FMN1: variants seen among roughly 807,000 people sequenced by gnomAD.
FMN1 encodes formin-1.
FMN1 carries 110 observed loss-of-function variants against 132.4 expected under a neutral mutation model. The ratio of observed to expected loss-of-function variants is 0.83; its 90% CI spans 0.71 to 0.97. FMN1 has a LOEUF of 0.97. Among genes scored for constraint, FMN1 ranks in the 50% least tolerant of loss-of-function variants. FMN1 has a pLI of 0.00. For synonymous variants in FMN1, 722 were observed against 651.7 expected (o/e 1.11, Z -1.64); for missense variants, 1,792 against 1,705.3 (o/e 1.05, Z -0.90).
At chr15:33,051,376 T>G (rs986905554) in intron 6 of FMN1, among the ~76,000 whole-genome samples, 3 of 152,134 alleles carry the variant, frequency 2.0e-5, no homozygotes, top group African/African-American at 7.2e-5. Flanking sequence ...AGACCAACTT[T>G]CTAGTCCTGG....
chr15:32,998,292 G>C (rs2033897622), intron 7 of FMN1, among the ~76,000 whole-genome samples: 1 of 152,172 alleles, frequency 6.6e-6, no homozygotes, highest in Non-Finnish European at 1.5e-5. Context: ...GCAATGTCCA[G>C]TCAGATCAAT....
intron 9 of FMN1, among the ~76,000 whole-genome samples, chr15:32,957,479 A>G (rs1251015266): frequency 6.6e-6 from 1 of 151,898 alleles, no homozygotes; most frequent in Non-Finnish European, 1.5e-5. Context: ...CAGTGAAAAG[A>G]GACTATACAA....
At position 33,018,188 on chromosome 15, in the gene FMN1, T is replaced by C. The variant is rs141247709; in HGVS notation, c.2162-10113A>G. Among the ~76,000 whole-genome samples the C allele has an allele frequency of 1.3e-3, 195 of 152,194 alleles. 1 individual carries two copies. Among genetic ancestry groups the C allele is most frequent in the African/African-American group, 4.6e-3 (189 of 41,518 alleles). ...GCAGAGCCCTTGTGCATGAGATTAG[T>C]GTGTGTGATACTGCAAAATATGTAT... is the stretch of plus-strand genomic sequence containing the variant. On this transcript the variant is annotated intron_variant, in intron 6 of 20. Coordinates refer to ENST00000616417, the MANE Select transcript of FMN1 (RefSeq NM_001277313.2).
At chr15:33,018,843 T>C (rs536652383) in intron 6 of FMN1, among the ~76,000 whole-genome samples, 105 of 152,310 alleles carry the variant, frequency 6.9e-4, no homozygotes, top group African/African-American at 2.4e-3. Flanking sequence ...GGTTGAGTGT[T>C]ACAGCTCTTA....
intron 16 of FMN1, among the ~76,000 whole-genome samples, chr15:32,887,355 C>T (rs1463856761): frequency 2.6e-5 from 4 of 152,128 alleles, no homozygotes; most frequent in African/African-American, 9.7e-5. Flanking sequence ...TGGAGTTATA[C>T]AAGCTCCAAG....
intron 7 of FMN1, among the ~76,000 whole-genome samples, chr15:32,987,576 CTT>C (rs2033150038): frequency 3.3e-5 from 5 of 152,110 alleles, no homozygotes; most frequent in Admixed American, 2.0e-4. Flanking sequence ...AAGAAAAAAA[CTT>C]TGATTTTTAT....
chr15:32,888,152 A>T lies in FMN1; in HGVS notation c.3835+20T>A. On this transcript the variant is annotated intron_variant, in intron 16 of 20. Coordinates refer to ENST00000616417, the MANE Select transcript of FMN1 (RefSeq NM_001277313.2). ...AAGTAATCTTAGCTATTATCATAAT[A>T]GCAGAACAGTTCCTATTACCTTCTA... 6.3e-7 allele frequency: 1 copy of T among 1,589,788 alleles called. No individual in the cohort carries two copies. Among genetic ancestry groups the T allele is most frequent in the Non-Finnish European group, 8.5e-7 (1 of 1,169,874 alleles).
At chr15:33,091,032 T>TA (rs1183094574) in intron 4 of FMN1, among the ~76,000 whole-genome samples, 1 of 152,232 alleles carries the variant, frequency 6.6e-6, no homozygotes, top group Non-Finnish European at 1.5e-5. Flanking sequence ...TCCCTCATTT[T>TA]AAATCCCTCC....
chr15:33,010,607 G>T (rs552142035), intron 6 of FMN1, among the ~76,000 whole-genome samples: 1 of 152,036 alleles, frequency 6.6e-6, no homozygotes, highest in South Asian at 2.1e-4. Context: ...TGAGAAAAAA[G>T]ACACAAAATC....
chr15:33,015,995 AT>A (rs1177495521), intron 6 of FMN1, among the ~76,000 whole-genome samples: 2 of 152,180 alleles, frequency 1.3e-5, no homozygotes, highest in African/African-American at 4.8e-5. Context: ...TCTACGGTGG[AT>A]TTATTGACTT....
intron 10 of FMN1, among the ~76,000 whole-genome samples, chr15:32,910,877 A>G (rs1448313144): frequency 6.6e-6 from 1 of 152,198 alleles, no homozygotes; most frequent in Non-Finnish European, 1.5e-5. Context: ...TCCCGATGGT[A>G]ATTGAAGAGA....
intron 17 of FMN1, among the ~76,000 whole-genome samples, chr15:32,834,854 T>C (rs2058586404): frequency 6.6e-6 from 1 of 152,218 alleles, no homozygotes; most frequent in Non-Finnish European, 1.5e-5. Flanking sequence ...AATTTTAGAA[T>C]GGGTGCTTCA....
chr15:33,020,134 G>GA (rs1211755659), intron 6 of FMN1, among the ~76,000 whole-genome samples: 1 of 152,230 alleles, frequency 6.6e-6, no homozygotes, highest in African/African-American at 2.4e-5. Context: ...ACCCCTACTT[G>GA]AAGTTGGTCA....
intron 4 of FMN1, among the ~76,000 whole-genome samples, chr15:33,132,894 G>A (rs989626443): frequency 1.3e-5 from 2 of 152,142 alleles, no homozygotes; most frequent in African/African-American, 4.8e-5. Flanking sequence ...CAGAGGGGTT[G>A]TTAGTCTGTG....
chr15:33,120,186 C>T (rs1284273349), intron 4 of FMN1, among the ~76,000 whole-genome samples: 4 of 152,206 alleles, frequency 2.6e-5, no homozygotes, highest in Admixed American at 6.5e-5. Flanking sequence ...TTGTTTTTCA[C>T]TTCTCAGAAA....
intron 9 of FMN1, among the ~76,000 whole-genome samples, chr15:32,951,379 TGGC>T (rs2061648904): frequency 6.6e-6 from 1 of 152,066 alleles, no homozygotes; most frequent in Admixed American, 6.6e-5. Context: ...TCTGAGAATC[TGGC>T]TAAAATTCAT....
At chr15:33,165,793 A>G (rs1394356465) in intron 3 of FMN1, among the ~76,000 whole-genome samples, 6 of 152,072 alleles carry the variant, frequency 3.9e-5, no homozygotes, top group Non-Finnish European at 7.4e-5. Context: ...CTCATTTTTA[A>G]AGGTCTGCCA....
rs1018692823 is a variant in FMN1, at chr15:33,154,785, T to C, written c.130A>G (p.Asn44Asp). 1.4e-5 allele frequency: 21 copies of C among 1,536,036 alleles called. No homozygotes were observed. In the African/African-American group the frequency reaches 2.9e-4, roughly 21 times the overall value. Residue 44 changes from asparagine to aspartate, a missense_variant, in exon 4 of 21, where the codon AAT becomes GAT. By Grantham distance (23) the Asn-to-Asp change is conservative. This residue lies in a region of FMN1 where 638 missense variants were observed against 645.2 expected (regional missense o/e 0.99). Transcript: ENST00000616417. ...YKGTVTLDRS[N>D]KGFHNCYQVR... ...TGGTAGCAGTTATGAAAACCTTTAT[T>C]GGATCTGTCTAGAGTTACAGTGCCC...
chr15:33,052,865 G>A (rs1006034038), intron 6 of FMN1, among the ~76,000 whole-genome samples: 5 of 152,016 alleles, frequency 3.3e-5, no homozygotes, highest in Non-Finnish European at 5.9e-5. Flanking sequence ...CCACCTTTGA[G>A]TGGTGTCTTT....
Sources: gnomAD v4.1 joint callset for allele counts (sites outside exome capture counted in the v4.1 genomes callset) on GRCh38, gnomAD v4.1.1 for gene constraint, gnomAD v4.1.1 regional missense constraint, MANE v1.5 for transcripts, NCBI Gene and HGNC (gene_info 2026-07-23, HGNC 2026-07-21) for gene names.